Variants in PML observed in about 807,000 individuals in gnomAD.
The protein encoded by PML is PML nuclear body scaffold.
Under a neutral mutation model 65.2 loss-of-function variants are expected in PML, and 28 were observed. The observed-to-expected ratio is 0.43, with a 90% CI of 0.32 to 0.59. The LOEUF (loss-of-function observed/expected upper bound fraction) is 0.59, where lower values mean the gene tolerates loss of function less well. Among genes scored for constraint, PML ranks in the 20% least tolerant of loss-of-function variants. PML has a pLI of 0.08. For synonymous variants in PML, 500 were observed against 508.8 expected (o/e 0.98, Z 0.23); for missense variants, 1,021 against 1,203.4 (o/e 0.85, Z 2.24).
chr15:74,022,383 A>G (rs1291750645), intron 2 of PML, among the ~76,000 whole-genome samples: 3 of 152,146 alleles, frequency 2.0e-5, no homozygotes, highest in Non-Finnish European at 4.4e-5. Context: ...TTCTCACTCA[A>G]GGGGCTCTTG....
intron 4 of PML, chr15:74,028,537 A>G (rs1175279025): frequency 6.6e-6 from 1 of 152,224 alleles, no homozygotes; most frequent in Non-Finnish European, 1.5e-5. Flanking sequence ...AGTGTACACT[A>G]AGTGTACAGT....
Position 74,035,046 on chromosome 15 carries a change from GT to G in PML, c.1710+519del. On this transcript the variant is annotated intron_variant, in intron 7 of 8. Transcript: ENST00000268058. The surrounding 1 kb of genome is among the most constrained non-coding windows in gnomAD (Gnocchi z 4.1). ...GGTAGTGACCCTTCTGTCCCTAGAG[GT>G]TTATTACTAGAGGCTGGACTATCAC... The G allele has an allele frequency of 7.0e-7, 1 of 1,428,390 alleles. No individual in the cohort carries two copies. The highest frequency in any genetic ancestry group is 9.8e-7 in the Non-Finnish European group (1 of 1,025,008). The allele number at this position is 1,428,390 out of a possible 1,614,324, so 88.5% of individuals were successfully genotyped here. A position where few individuals can be genotyped will look rare whatever the true frequency, so the allele number is the denominator to read the frequency against.
Position 74,045,432 on chromosome 15 carries a change from G to A in PML, c.*424G>A, listed in dbSNP as rs758690036. Reference sequence around the variant, plus strand: ...CAGCTCCCACACAGAACAGTCTGAGGTGATGCTGGCTACAGCCCTGGCAGC... The same window carrying A: ...CAGCTCCCACACAGAACAGTCTGAGATGATGCTGGCTACAGCCCTGGCAGC... On this transcript the variant is annotated 3_prime_UTR_variant, in exon 9 of 9. Transcript: ENST00000268058. 6.2e-5 allele frequency: 16 copies of A among 258,294 alleles called. No individual in the cohort carries two copies. Among genetic ancestry groups the A allele is most frequent in the Non-Finnish European group, 1.1e-4 (15 of 134,592 alleles). 16.0% of individuals were successfully genotyped at this position (258,294 alleles called of 1,614,324 possible). A position where few individuals can be genotyped will look rare whatever the true frequency, so the allele number is the denominator to read the frequency against.
chr15:74,005,737 G>A (rs572659645), intron 2 of PML, among the ~76,000 whole-genome samples: 10 of 152,232 alleles, frequency 6.6e-5, no homozygotes, highest in Non-Finnish European at 1.2e-4. Context: ...TTTCCTACAC[G>A]ATCCCCTTTT....
At chr15:74,036,635 C>T (rs1595919358) in intron 7 of PML, among the ~76,000 whole-genome samples, 1 of 152,100 alleles carries the variant, frequency 6.6e-6, no homozygotes, top group Non-Finnish European at 1.5e-5. Context: ...CAGGGTGGGC[C>T]CCATGCTCCC....
At chr15:74,040,130 T>A (rs1257471978) in intron 7 of PML, among the ~76,000 whole-genome samples, 2 of 152,152 alleles carry the variant, frequency 1.3e-5, no homozygotes, top group East Asian at 3.9e-4. Context: ...CAGTTTTGCA[T>A]TCAAAGAAAC....
In PML at chr15:74,046,630, G is replaced by C. The variant is rs2071773728; in HGVS notation, c.*1622G>C. ...TGGTTCTGAAGCACCGATGGAAACA[G>C]ATTGATGCAGATGGAAGGAGGAAGG... On this transcript the variant is annotated 3_prime_UTR_variant, in exon 9 of 9. Coordinates refer to ENST00000268058, the MANE Select transcript of PML (RefSeq NM_033238.3). 4.3e-6 allele frequency: 1 copy of C among 232,764 alleles called. No individual in the cohort carries two copies. The highest frequency in any genetic ancestry group is 8.5e-6 in the Non-Finnish European group (1 of 117,756). The allele number at this position is 232,764 out of a possible 1,614,324, so 14.4% of individuals were successfully genotyped here.
At chr15:74,000,501 T>A (rs11854321) in intron 2 of PML, among the ~76,000 whole-genome samples, 1 of 151,772 alleles carries the variant, frequency 6.6e-6, no homozygotes, top group Non-Finnish European at 1.5e-5. Context: ...AGACAGGGTT[T>A]CACGACATTG....
chr15:74,042,813 A>T lies in PML; in HGVS notation c.1711-176A>T, dbSNP rs1340674170. 5.1e-6 allele frequency: 5 copies of T among 985,142 alleles called. No homozygotes were observed. In the South Asian group the frequency reaches 2.3e-4, roughly 46 times the overall value. 61.0% of individuals were successfully genotyped at this position (985,142 alleles called of 1,614,324 possible). A position where few individuals can be genotyped will look rare whatever the true frequency, so the allele number is the denominator to read the frequency against. ...TGTAACCCTCACATGTGACACACCC[A>T]GTTCACACCCATTCATGCACACATA... On this transcript the variant is annotated intron_variant, in intron 7 of 8. Coordinates refer to ENST00000268058, the MANE Select transcript of PML (RefSeq NM_033238.3). The surrounding 1 kb of genome is among the most constrained non-coding windows in gnomAD (Gnocchi z 5.3).
rs531792732 is a variant in PML at position 74,037,982 on chromosome 15, C to T, written c.1710+3452C>T. 4.6e-5 allele frequency among the ~76,000 whole-genome samples: 7 copies of T among 152,316 alleles called. No individual in the cohort carries two copies. Among genetic ancestry groups the T allele is most frequent in the African/African-American group, 1.7e-4 (7 of 41,564 alleles). ...TACCTCAAACTCAGCACCTTCTCCT[C>T]CCGTCTCACTGGCTCGCCCCACTCT... is the stretch of plus-strand genomic sequence containing the variant. On this transcript the variant is annotated intron_variant, in intron 7 of 8. Transcript: ENST00000268058. The surrounding 1 kb of genome is among the most constrained non-coding windows in gnomAD (Gnocchi z 4.2).
At chr15:74,008,611 T>C (rs945209846) in intron 2 of PML, among the ~76,000 whole-genome samples, 31 of 151,778 alleles carry the variant, frequency 2.0e-4, no homozygotes, top group African/African-American at 7.5e-4. Flanking sequence ...TGGTGGCGGG[T>C]GCCTGTAGTC....
intron 3 of PML, among the ~76,000 whole-genome samples, 159 bp from the exon 4 acceptor site, chr15:74,024,698 C>T (rs1000032580): frequency 6.6e-6 from 1 of 152,202 alleles, no homozygotes; most frequent in African/African-American, 2.4e-5. Flanking sequence ...GCTCTCCTTC[C>T]AGCTGCCCCT....
At chr15:74,012,070 A>G (rs2070357767) in intron 2 of PML, among the ~76,000 whole-genome samples, 1 of 152,250 alleles carries the variant, frequency 6.6e-6, no homozygotes. Context: ...AACTAAAGTG[A>G]AATTAGACTT....
intron 1 of PML, 123 bp downstream of exon 1, chr15:73,995,064 A>C: frequency 2.2e-6 from 2 of 905,910 alleles, no homozygotes; most frequent in Non-Finnish European, 3.3e-6. Context: ...ACAAAGCGGG[A>C]AGTCCAGACA....
intron 2 of PML, among the ~76,000 whole-genome samples, chr15:74,020,198 G>T (rs1310126761): frequency 6.6e-6 from 1 of 151,930 alleles, no homozygotes; most frequent in Non-Finnish European, 1.5e-5. Context: ...TGGCTAGTAG[G>T]CTCTCTGTTG....
chr15:74,003,125 C>T (rs1187085486), intron 2 of PML, among the ~76,000 whole-genome samples: 2 of 149,842 alleles, frequency 1.3e-5, no homozygotes, highest in Non-Finnish European at 3.0e-5. Flanking sequence ...CACAATGAGA[C>T]TCTGTCTTAA....
chr15:74,001,506 A>AT (rs1178297394), intron 2 of PML, among the ~76,000 whole-genome samples: 1 of 151,674 alleles, frequency 6.6e-6, no homozygotes, highest in Admixed American at 6.6e-5. Context: ...TGCCTGGCTA[A>AT]TTTTTTTTAT....
At chr15:74,031,894 T>C (rs533675315) in intron 4 of PML, among the ~76,000 whole-genome samples, 1 of 152,198 alleles carries the variant, frequency 6.6e-6, no homozygotes, top group African/African-American at 2.4e-5. Context: ...CATTACCATA[T>C]GAGGTAGATG....
chr15:74,044,015 G>A (rs1297833775), intron 8 of PML, among the ~76,000 whole-genome samples: 3 of 152,176 alleles, frequency 2.0e-5, no homozygotes, highest in Non-Finnish European at 4.4e-5. Context: ...CAAAGTGTTT[G>A]GAGGGCAGCC....
Sources: allele counts gnomAD v4.1 joint callset (sites outside exome capture counted in the v4.1 genomes callset), GRCh38; gene constraint gnomAD v4.1.1; non-coding constraint Gnocchi (gnomAD v3.1); transcripts MANE v1.5; gene names NCBI Gene and HGNC (gene_info 2026-07-23, HGNC 2026-07-21).